Variants in MAMDC2 observed in about 807,000 individuals in gnomAD.
MAMDC2 encodes the protein MAM domain-containing protein 2.
MAMDC2 carries 57 observed loss-of-function variants against 89.8 expected under a neutral mutation model. The ratio of observed to expected loss-of-function variants is 0.63; its 90% CI spans 0.51 to 0.79. The LOEUF (loss-of-function observed/expected upper bound fraction) is 0.79, where lower values mean the gene tolerates loss of function less well. Among genes scored for constraint, MAMDC2 ranks in the 30% least tolerant of loss-of-function variants. The pLI is 0.00. For synonymous variants in MAMDC2, 313 were observed against 293.4 expected (o/e 1.07, Z -0.68); for missense variants, 800 against 820.6 (o/e 0.97, Z 0.31).
intron 7 of MAMDC2, among the ~76,000 whole-genome samples, chr9:70,138,307 G>A (rs866925806): frequency 3.9e-5 from 6 of 152,150 alleles, no homozygotes; most frequent in African/African-American, 9.6e-5. Context: ...TCAGTCATCC[G>A]CTGATGGGCA....
At chr9:70,066,526 G>A (rs1458009398) in intron 2 of MAMDC2, among the ~76,000 whole-genome samples, 1 of 152,048 alleles carries the variant, frequency 6.6e-6, no homozygotes, top group Non-Finnish European at 1.5e-5. Context: ...GAGGTAGGGG[G>A]GCAGCTAGAG....
At chr9:70,103,987 A>T (rs989122222) in intron 2 of MAMDC2, among the ~76,000 whole-genome samples, 1 of 124,996 alleles carries the variant, frequency 8.0e-6, no homozygotes, top group Admixed American at 7.5e-5. Flanking sequence ...GTCTCCATTT[A>T]AAAAAAAAAA....
chr9:70,191,399 TTAA>T (rs2032876659), intron 11 of MAMDC2, among the ~76,000 whole-genome samples: 1 of 152,186 alleles, frequency 6.6e-6, no homozygotes. Context: ...TATTGAATTA[TTAA>T]TCATAATTAT....
intron 6 of MAMDC2, among the ~76,000 whole-genome samples, chr9:70,130,716 T>C (rs968365846): frequency 1.3e-5 from 2 of 151,900 alleles, no homozygotes; most frequent in Non-Finnish European, 2.9e-5. Flanking sequence ...AGAGTTCATA[T>C]AGGAAGAAGT....
At chr9:70,044,361 G>C in intron 1 of MAMDC2, 130 bp downstream of exon 1, 1 of 1,079,970 alleles carries the variant, frequency 9.3e-7, no homozygotes. Flanking sequence ...CTCCGCAGCC[G>C]CTAACTCCCT....
chr9:70,069,741 G>A (rs1827359675), intron 2 of MAMDC2, among the ~76,000 whole-genome samples: 1 of 152,158 alleles, frequency 6.6e-6, no homozygotes, highest in African/African-American at 2.4e-5. Flanking sequence ...ACCTGGGAGG[G>A]AATGGCTTTG....
At chr9:70,198,970 G>A (rs550689220) in intron 11 of MAMDC2, among the ~76,000 whole-genome samples, 14 of 152,034 alleles carry the variant, frequency 9.2e-5, no homozygotes, top group African/African-American at 3.4e-4. Flanking sequence ...GCTATCCAGT[G>A]AGTCTGTAAC....
At chr9:70,169,049 G>A (rs1324473198) in intron 10 of MAMDC2, among the ~76,000 whole-genome samples, 1 of 151,928 alleles carries the variant, frequency 6.6e-6, no homozygotes. Context: ...CTGAATATTG[G>A]GGATAATACA....
At chr9:70,207,593 C>T (rs1395086967) in intron 11 of MAMDC2, among the ~76,000 whole-genome samples, 1 of 152,128 alleles carries the variant, frequency 6.6e-6, no homozygotes, top group African/African-American at 2.4e-5. Context: ...CCTGTTCACT[C>T]TGATGGTAGT....
intron 9 of MAMDC2, among the ~76,000 whole-genome samples, chr9:70,152,963 T>C (rs2031630907): frequency 6.6e-6 from 1 of 152,206 alleles, no homozygotes; most frequent in African/African-American, 2.4e-5. Flanking sequence ...TGTTTTTTTC[T>C]TAGTCCTGAT....
At chr9:70,135,032 C>A (rs905994125) in intron 7 of MAMDC2, among the ~76,000 whole-genome samples, 4 of 152,122 alleles carry the variant, frequency 2.6e-5, no homozygotes, top group Non-Finnish European at 4.4e-5. Context: ...GCAGAGGAAA[C>A]GATGAGAAAT....
intron 9 of MAMDC2, among the ~76,000 whole-genome samples, chr9:70,160,836 T>C (rs2031945415): frequency 6.6e-6 from 1 of 151,946 alleles, no homozygotes; most frequent in African/African-American, 2.4e-5. Context: ...AAATACTCCA[T>C]CAACAAACGT....
At chr9:70,199,965 G>A (rs930193865) in intron 11 of MAMDC2, among the ~76,000 whole-genome samples, 1 of 152,190 alleles carries the variant, frequency 6.6e-6, no homozygotes. Flanking sequence ...TTTGTCAGAT[G>A]AGTGGGTTGC....
intron 11 of MAMDC2, among the ~76,000 whole-genome samples, chr9:70,176,950 C>A (rs2032519662): frequency 6.6e-6 from 1 of 152,136 alleles, no homozygotes; most frequent in South Asian, 2.1e-4. Context: ...ACCCTATATA[C>A]AATATATTTT....
intron 9 of MAMDC2, 117 bp downstream of exon 9, chr9:70,143,936 G>C: frequency 1.6e-6 from 2 of 1,249,330 alleles, no homozygotes; most frequent in Non-Finnish European, 2.3e-6. Flanking sequence ...CAGGCCTACG[G>C]CCTCACCCTT....
chr9:70,193,885 T>C (rs1313985579), intron 11 of MAMDC2: 3 of 152,026 alleles, frequency 2.0e-5, no homozygotes, highest in Admixed American at 6.6e-5. Context: ...TGAAACAACA[T>C]ATACAGGGAG....
At chr9:70,218,311 A>C in intron 11 of MAMDC2, 26 bp from the exon 12 acceptor site, 1 of 1,585,292 alleles carries the variant, frequency 6.3e-7, no homozygotes, top group Non-Finnish European at 8.6e-7. Flanking sequence ...CTTTTTAACA[A>C]TACCTGCTTT....
At chr9:70,142,403 T>C (rs1016909269) in intron 8 of MAMDC2, among the ~76,000 whole-genome samples, 2 of 152,082 alleles carry the variant, frequency 1.3e-5, no homozygotes, top group Non-Finnish European at 2.9e-5. Context: ...GCATTTGGAA[T>C]TTTATTATAG....
At chr9:70,104,460 T>G (rs955319047) in intron 2 of MAMDC2, among the ~76,000 whole-genome samples, 1 of 152,182 alleles carries the variant, frequency 6.6e-6, no homozygotes, top group Non-Finnish European at 1.5e-5. Flanking sequence ...CTAGGAGAAG[T>G]GAAATTTTTA....
Sources: gnomAD v4.1 joint callset for allele counts (sites outside exome capture counted in the v4.1 genomes callset) on GRCh38, gnomAD v4.1.1 for gene constraint, MANE v1.5 for transcripts, NCBI Gene and HGNC (gene_info 2026-07-23, HGNC 2026-07-21) for gene names.